The following KCNIP4 variants were observed in gnomAD, a reference collection of about 807,000 sequenced individuals.
KCNIP4 encodes potassium voltage-gated channel interacting protein 4, also known as Kv channel-interacting protein 4.
In KCNIP4, 12 loss-of-function variants were observed where a neutral mutation model predicts 34.0. That is an observed-to-expected ratio of 0.35 (90% CI 0.23 to 0.57). The LOEUF is 0.57. Ranked by LOEUF, KCNIP4 falls within the 20% of genes least tolerant of loss-of-function variation. KCNIP4 has a pLI of 0.83. For synonymous variants in KCNIP4, 124 were observed against 102.2 expected (o/e 1.21, Z -1.29); for missense variants, 238 against 311.7 (o/e 0.76, Z 1.78).
chr4:21,270,478 A>T (rs1762076510), intron 1 of KCNIP4, among the ~76,000 whole-genome samples: 1 of 152,210 alleles, frequency 6.6e-6, no homozygotes, highest in Non-Finnish European at 1.5e-5. Context: ...AAAACAGTTC[A>T]AAATACTATT....
chr4:21,109,540 C>T (rs936700700), intron 1 of KCNIP4, among the ~76,000 whole-genome samples: 2 of 152,188 alleles, frequency 1.3e-5, no homozygotes, highest in African/African-American at 4.8e-5. Flanking sequence ...AATTCCCTGA[C>T]CCCTTGCGCT....
At chr4:21,134,588 A>G (rs1751355154) in intron 1 of KCNIP4, among the ~76,000 whole-genome samples, 1 of 152,088 alleles carries the variant, frequency 6.6e-6, no homozygotes, top group Admixed American at 6.5e-5. Context: ...CTTTTACATC[A>G]CTAAGGGGAT....
rs778647977 is a variant in KCNIP4 at position 20,734,640 on chromosome 4, G to A, written c.525C>T (p.Tyr175=). The part of the protein sequence containing the change: ...FNLYDINKDG[Y]ITKEEMLDIM... The stretch of plus-strand genomic sequence containing the variant: ...AGGCATCCCTTACCTCTTTAGTGAT[G>A]TAGCCATCTTTATTTATGTCATACA... Residue 175 remains tyrosine (Y), a synonymous_variant, in exon 6 of 9, where the codon TAC becomes TAT. Transcript: ENST00000382152. The A allele has an allele frequency of 3.5e-5, 53 of 1,528,554 alleles. No individual in the cohort carries two copies. The highest frequency in any genetic ancestry group is 2.6e-4 in the African/African-American group (19 of 71,764). The allele number at this position is 1,528,554 out of a possible 1,614,324, so 94.7% of individuals were successfully genotyped here.
At chr4:20,944,872 A>T (rs941957763) in intron 1 of KCNIP4, among the ~76,000 whole-genome samples, 4 of 152,072 alleles carry the variant, frequency 2.6e-5, no homozygotes, top group Non-Finnish European at 5.9e-5. Context: ...GCACGTGTTT[A>T]TACTTATTTA....
chr4:21,697,571 G>A, intron 1 of KCNIP4: 2 of 1,393,506 alleles, frequency 1.4e-6, no homozygotes, highest in Non-Finnish European at 1.8e-6. Context: ...CAACTCCTGT[G>A]GAATTAGCTG....
chr4:21,744,298 C>T (rs910562763), intron 1 of KCNIP4, among the ~76,000 whole-genome samples: 1 of 152,142 alleles, frequency 6.6e-6, no homozygotes, highest in African/African-American at 2.4e-5. Context: ...TCTTGCCCTT[C>T]CAGTGAAGTC....
At chr4:21,874,761 T>C (rs896923158) in intron 1 of KCNIP4, among the ~76,000 whole-genome samples, 1 of 152,238 alleles carries the variant, frequency 6.6e-6, no homozygotes, top group Non-Finnish European at 1.5e-5. Flanking sequence ...CTAATTTATA[T>C]AAATACATAT....
At chr4:21,705,122 T>C (rs907059262) in intron 1 of KCNIP4, among the ~76,000 whole-genome samples, 4 of 152,180 alleles carry the variant, frequency 2.6e-5, no homozygotes, top group Non-Finnish European at 5.9e-5. Flanking sequence ...AAAGATTACA[T>C]ACCACATGAT....
At chr4:20,988,250 T>C (rs1413702206) in intron 1 of KCNIP4, among the ~76,000 whole-genome samples, 1 of 152,042 alleles carries the variant, frequency 6.6e-6, no homozygotes, top group African/African-American at 2.4e-5. Context: ...GTTCTTTAAC[T>C]GGGGCCGTTT....
intron 1 of KCNIP4, among the ~76,000 whole-genome samples, chr4:21,728,531 A>G (rs1006008238): frequency 6.6e-6 from 1 of 152,156 alleles, no homozygotes; most frequent in African/African-American, 2.4e-5. Flanking sequence ...CAATAACCAG[A>G]GTGATCCTTT....
chr4:21,342,462 G>C (rs1352128181), intron 1 of KCNIP4, among the ~76,000 whole-genome samples: 1 of 152,062 alleles, frequency 6.6e-6, no homozygotes, highest in Non-Finnish European at 1.5e-5. Context: ...GCTCACTAGA[G>C]GAAATTGAAA....
rs1216518581 is a variant in KCNIP4, at chr4:21,260,847, T to TTATTTAA, written c.62-378139_62-378138insTTAAATA. ...AAGACTGATATTCCTAATGGTGATG[T>TTATTTAA]GACTTATTTAAGATCAAACAGATAA... is the stretch of plus-strand genomic sequence containing the variant. On this transcript the variant is annotated intron_variant, in intron 1 of 8. Transcript: ENST00000382152. 7.9e-4 allele frequency among the ~76,000 whole-genome samples: 120 copies of TTATTTAA among 152,202 alleles called. 1 individual carries two copies. The highest frequency in any genetic ancestry group is 9.4e-4 in the Non-Finnish European group (64 of 68,040).
chr4:21,040,965 A>AC (rs1478851780), intron 1 of KCNIP4, among the ~76,000 whole-genome samples: 1 of 151,090 alleles, frequency 6.6e-6, no homozygotes, highest in African/African-American at 2.4e-5. Context: ...AAAAAAAAAA[A>AC]AACATAAAAA....
At chr4:21,449,419 A>G (rs1395531205) in intron 1 of KCNIP4, among the ~76,000 whole-genome samples, 1 of 152,040 alleles carries the variant, frequency 6.6e-6, no homozygotes, top group Admixed American at 6.6e-5. Flanking sequence ...ACCCATACCT[A>G]ATTTCGATCA....
At chr4:21,468,480 TA>T (rs1166419300) in intron 1 of KCNIP4, among the ~76,000 whole-genome samples, 1 of 152,146 alleles carries the variant, frequency 6.6e-6, no homozygotes, top group Non-Finnish European at 1.5e-5. Flanking sequence ...TCGCTTGCAT[TA>T]CGCGGCGGAC....
chr4:20,884,097 T>G (rs1035298419), intron 1 of KCNIP4, among the ~76,000 whole-genome samples: 28 of 152,290 alleles, frequency 1.8e-4, no homozygotes, highest in African/African-American at 6.3e-4. Context: ...CAACTGCTGG[T>G]TGAGGGTCTG....
At chr4:21,012,389 G>T (rs539349587) in intron 1 of KCNIP4, among the ~76,000 whole-genome samples, 45 of 151,990 alleles carry the variant, frequency 3.0e-4, no homozygotes, top group Admixed American at 2.6e-3. Context: ...GACCAGCCTG[G>T]GCAGCATAAT....
chr4:21,894,458 T>C (rs977450252), intron 1 of KCNIP4, among the ~76,000 whole-genome samples: 1 of 152,202 alleles, frequency 6.6e-6, no homozygotes, highest in Non-Finnish European at 1.5e-5. Context: ...TCCTACCTGT[T>C]CTAAAAACTA....
chr4:21,827,412 G>A (rs192633618), intron 1 of KCNIP4, among the ~76,000 whole-genome samples: 95 of 152,106 alleles, frequency 6.2e-4, no homozygotes, highest in African/African-American at 2.1e-3. Context: ...TTGCAGTATA[G>A]AAGAAACAGT....
Sources: gnomAD v4.1 joint callset for allele counts (sites outside exome capture counted in the v4.1 genomes callset) on GRCh38, gnomAD v4.1.1 for gene constraint, MANE v1.5 for transcripts, NCBI Gene and HGNC (gene_info 2026-07-23, HGNC 2026-07-21) for gene names.